Variants in ATP6V1B1 observed in about 807,000 individuals in gnomAD.
ATP6V1B1 encodes ATPase H+ transporting V1 subunit B1, also known as V-type proton ATPase subunit B, kidney isoform.
ATP6V1B1 carries 41 observed loss-of-function variants against 62.1 expected under a neutral mutation model. The observed-to-expected ratio is 0.66, with a 90% confidence interval of 0.51 to 0.86. ATP6V1B1 has a LOEUF of 0.86. Among genes scored for constraint, ATP6V1B1 ranks in the 40% least tolerant of loss-of-function variants. ATP6V1B1 has a pLI of 0.00. For missense variants in ATP6V1B1, 651 were observed against 697.5 expected, an observed-to-expected ratio of 0.93 and a Z score of 0.75; for synonymous variants, 253 against 273.4, an observed-to-expected ratio of 0.93 and a Z score of 0.74.
At chr2:70,941,713 G>T in intron 1 of ATP6V1B1, 1 of 983,948 alleles carries the variant, frequency 1.0e-6, no homozygotes, top group South Asian at 4.7e-5. Context: ...AAGAAAGGAA[G>T]CAGGGAGGGA....
At chr2:70,938,533 C>T (rs552504473) in intron 1 of ATP6V1B1, 15 of 985,038 alleles carry the variant, frequency 1.5e-5, no homozygotes, top group South Asian at 9.4e-5. Flanking sequence ...TCCCCTCCCC[C>T]GGGGGAGGTG....
intron 6 of ATP6V1B1, 121 bp from the exon 7 acceptor site, chr2:70,960,800 C>T: frequency 2.3e-6 from 1 of 439,860 alleles, no homozygotes; most frequent in Non-Finnish European, 4.4e-6. Flanking sequence ...GCACCTGGGG[C>T]AGCCCCCTCA....
intron 4 of ATP6V1B1, among the ~76,000 whole-genome samples, 159 bp downstream of exon 4, chr2:70,958,585 T>G (rs1200494882): frequency 3.3e-5 from 5 of 152,178 alleles, no homozygotes; most frequent in Non-Finnish European, 7.3e-5. Context: ...TTCTCTCTGA[T>G]TCCTGACCCC....
intron 2 of ATP6V1B1, chr2:70,944,222 C>T (rs1553416920): frequency 7.8e-7 from 1 of 1,289,256 alleles, no homozygotes; most frequent in Admixed American, 2.3e-5. Context: ...GTCTCAGCAA[C>T]ATGGGTGGTA....
At position 70,945,701 on chromosome 2, in the gene ATP6V1B1, G is replaced by GATATATAT. The variant is rs35710919; in HGVS notation, c.174+2022_174+2029dup. Among the ~76,000 whole-genome samples, 491 of 82,876 alleles carry GATATATAT rather than the reference G, an allele frequency of 5.9e-3. 5 individuals carry two copies. Among genetic ancestry groups the GATATATAT allele is most frequent in the Middle Eastern group, 7.0e-3 (1 of 142 alleles). The allele number at this position is 82,876 out of a possible 152,430, so 54.4% of individuals were successfully genotyped here. ...TATCCTCTTTCTGGCTATTTGAAGA[G>GATATATAT]ATATATATATATATATATATATATA... On this transcript the variant is annotated intron_variant, in intron 2 of 13. Transcript: ENST00000234396.
rs782380794 is a variant in ATP6V1B1 at position 70,958,151 on chromosome 2, G to A, written c.273+7G>A. Reference sequence around the variant, plus strand: ...CACCAAGGCGATTGTTCAGGTGAGTGGGGTCAATGGGACATTGGCTAGTTA... The same window carrying A: ...CACCAAGGCGATTGTTCAGGTGAGTAGGGTCAATGGGACATTGGCTAGTTA... On this transcript the variant is annotated splice_region_variant and intron_variant, in intron 3 of 13. Coordinates refer to ENST00000234396, the MANE Select transcript of ATP6V1B1 (RefSeq NM_001692.4). 7.4e-6 allele frequency: 12 copies of A among 1,613,510 alleles called. No homozygotes were observed. Among genetic ancestry groups the A allele is most frequent in the Non-Finnish European group, 9.3e-6 (11 of 1,179,726 alleles).
intron 11 of ATP6V1B1, chr2:70,964,199 C>T (rs1553420629): frequency 5.8e-6 from 2 of 345,534 alleles, no homozygotes; most frequent in South Asian, 2.5e-5. Flanking sequence ...TTTTGAAATA[C>T]TGAGCCTTTT....
chr2:70,961,007 CT>C lies in ATP6V1B1; in HGVS notation c.675del (p.Phe225LeufsTer6). On this transcript the variant is annotated frameshift_variant, in exon 7 of 14. Coordinates refer to ENST00000234396, the MANE Select transcript of ATP6V1B1 (RefSeq NM_001692.4). LOFTEE classifies it high-confidence loss of function. ...DYHDDNFAIV[F>X]AAMGVNMETA... Reference sequence around the variant, plus strand: ...ACCATGACGACAACTTCGCCATCGTCTTTGCAGCCATGGGGGTGAGGAGACT... The same window carrying C: ...ACCATGACGACAACTTCGCCATCGTCTTGCAGCCATGGGGGTGAGGAGACT... The C allele has an allele frequency of 6.3e-7, 1 of 1,591,666 alleles. No homozygotes were observed. Among genetic ancestry groups the C allele is most frequent in the Non-Finnish European group, 8.6e-7 (1 of 1,168,904 alleles).
chr2:70,963,168 G>A lies in ATP6V1B1; in HGVS notation c.916G>A (p.Ala306Thr), dbSNP rs782052113. The change falls in exon 10 of 14, where the codon GCT becomes ACT. Residue 306 changes from alanine to threonine, a missense_variant. Coordinates refer to ENST00000234396, the MANE Select transcript of ATP6V1B1 (RefSeq NM_001692.4). The surrounding 1 kb of genome is among the most constrained non-coding windows in gnomAD (Gnocchi z 4.3). The part of the protein sequence containing the change: ...SYAEALREVS[A>T]AREEVPGRRG... Reference sequence around the variant, plus strand: ...GTGCCCATGGATATTGCAGGTCTCTGCTGCTAGAGAGGAGGTGCCTGGGCG... The same window carrying A: ...GTGCCCATGGATATTGCAGGTCTCTACTGCTAGAGAGGAGGTGCCTGGGCG... 6.2e-7 allele frequency: 1 copy of A among 1,614,048 alleles called. No homozygotes were observed. Among genetic ancestry groups the A allele is most frequent in the Non-Finnish European group, 8.5e-7 (1 of 1,180,030 alleles).
chr2:70,963,140 C>T lies in ATP6V1B1; in HGVS notation c.910-22C>T. 1 of 1,614,078 alleles carries T rather than the reference C, an allele frequency of 6.2e-7. No homozygotes were observed. The highest frequency in any genetic ancestry group is 8.5e-7 in the Non-Finnish European group (1 of 1,180,028). On this transcript the variant is annotated intron_variant, in intron 9 of 13. Coordinates refer to ENST00000234396, the MANE Select transcript of ATP6V1B1 (RefSeq NM_001692.4). The surrounding 1 kb of genome is among the most constrained non-coding windows in gnomAD (Gnocchi z 4.3). ...TCAGCCTCTCATCCCCTTTCTTACCCCAGTGCCCATGGATATTGCAGGTCT... is the reference window on the plus strand; with the variant it reads ...TCAGCCTCTCATCCCCTTTCTTACCTCAGTGCCCATGGATATTGCAGGTCT...
chr2:70,938,072 G>A (rs556988160), intron 1 of ATP6V1B1, among the ~76,000 whole-genome samples: 29 of 152,266 alleles, frequency 1.9e-4, no homozygotes, highest in Admixed American at 3.3e-4. Flanking sequence ...CCCTGCCAGC[G>A]CCTTTACTTT....
chr2:70,938,138 G>T (rs1388739165), intron 1 of ATP6V1B1, among the ~76,000 whole-genome samples: 1 of 152,166 alleles, frequency 6.6e-6, no homozygotes, highest in African/African-American at 2.4e-5. Flanking sequence ...GCCCAGCCCA[G>T]ATGCCCTCCC....
At chr2:70,960,817 T>C in intron 6 of ATP6V1B1, 104 bp from the exon 7 acceptor site, 9 of 697,780 alleles carry the variant, frequency 1.3e-5, no homozygotes, top group Non-Finnish European at 2.0e-5. Flanking sequence ...CTCACCTCTC[T>C]GGGCTTGGAT....
intron 1 of ATP6V1B1, chr2:70,938,657 C>T: frequency 1.0e-6 from 1 of 985,350 alleles, no homozygotes; most frequent in Non-Finnish European, 1.2e-6. Flanking sequence ...GCTGACCCTG[C>T]CAACATCTAC....
At chr2:70,942,944 A>G (rs543908498) in intron 1 of ATP6V1B1, among the ~76,000 whole-genome samples, 109 of 152,344 alleles carry the variant, frequency 7.2e-4, no homozygotes, top group Non-Finnish European at 1.1e-3. Flanking sequence ...AGCTTCTTCT[A>G]TGGGAGTTAG....
At chr2:70,939,723 G>C (rs1344773358) in intron 1 of ATP6V1B1, 2 of 152,180 alleles carry the variant, frequency 1.3e-5, no homozygotes, top group Non-Finnish European at 2.9e-5. Flanking sequence ...TGACGGGAGA[G>C]ACATCCCTCT....
At chr2:70,957,688 C>A (rs528965812) in intron 2 of ATP6V1B1, 2 of 353,232 alleles carry the variant, frequency 5.7e-6, no homozygotes, top group South Asian at 4.5e-5. Context: ...CCTGCAGCAG[C>A]CGTGGGAAGT....
At chr2:70,950,614 A>AG (rs1229603975) in intron 2 of ATP6V1B1, among the ~76,000 whole-genome samples, 6 of 151,930 alleles carry the variant, frequency 3.9e-5, no homozygotes, top group African/African-American at 7.3e-5. Context: ...AAAAAAAAGG[A>AG]GGGGGGGAAT....
chr2:70,936,847 G>A (rs1486776114), intron 1 of ATP6V1B1, among the ~76,000 whole-genome samples: 1 of 152,034 alleles, frequency 6.6e-6, no homozygotes, highest in African/African-American at 2.4e-5. Flanking sequence ...GGGCATGGAA[G>A]TGTCTACAGG....
Sources: allele counts gnomAD v4.1 joint callset (sites outside exome capture counted in the v4.1 genomes callset), GRCh38; gene constraint gnomAD v4.1.1; non-coding constraint Gnocchi (gnomAD v3.1); transcripts MANE v1.5; gene names NCBI Gene and HGNC (gene_info 2026-07-23, HGNC 2026-07-21).